The following MRE11 variants were observed in gnomAD, a reference collection of about 807,000 sequenced individuals.
MRE11 encodes MRE11 double strand break repair nuclease, also known as double-strand break repair protein MRE11.
A neutral mutation model predicts 91.7 loss-of-function variants in MRE11; 62 were observed. The ratio of observed to expected loss-of-function variants is 0.68; its 90% confidence interval spans 0.55 to 0.84. The LOEUF (loss-of-function observed/expected upper bound fraction) is 0.84, where lower values mean the gene tolerates loss of function less well. Ranked by LOEUF, MRE11 falls within the 40% of genes least tolerant of loss-of-function variation. MRE11 has a pLI of 0.00. For synonymous variants in MRE11, 273 were observed against 271.4 expected (o/e 1.01, Z -0.06); for missense variants, 796 against 852.9 (o/e 0.93, Z 0.83).
chr11:94,451,897 A>G (rs1382772646), intron 14 of MRE11, among the ~76,000 whole-genome samples: 1 of 152,140 alleles, frequency 6.6e-6, no homozygotes, highest in Non-Finnish European at 1.5e-5. Context: ...GTGCTCTTAC[A>G]AATCAATTAG....
intron 4 of MRE11, among the ~76,000 whole-genome samples, chr11:94,482,841 G>C (rs907262757): frequency 6.6e-6 from 1 of 152,162 alleles, no homozygotes; most frequent in African/African-American, 2.4e-5. Flanking sequence ...AGGAGGCTGA[G>C]GCAGAAGAAC....
Position 94,485,497 on chromosome 11 carries a change from T to C in MRE11, c.314+427A>G, listed in dbSNP as rs574332782. ...ATATAAGTAACTTCTGCAATTCAGG[T>C]AGAAAAACAAACAAAAAAATCTCAA... On this transcript the variant is annotated intron_variant, in intron 4 of 19. Transcript: ENST00000323929. Among the ~76,000 whole-genome samples the C allele has an allele frequency of 1.4e-4, 19 of 139,664 alleles. No homozygotes were observed. The South Asian group carries it at 4.3e-3, about 32-fold the overall frequency. The allele number at this position is 139,664 out of a possible 152,430, so 91.6% of individuals were successfully genotyped here.
At chr11:94,471,796 T>C (rs759159973) in intron 7 of MRE11, 37 bp from the exon 8 acceptor site, 2 of 1,518,776 alleles carry the variant, frequency 1.3e-6, no homozygotes, top group South Asian at 2.3e-5. Context: ...ATTCGGTGAT[T>C]AGAAAAATTT....
intron 18 of MRE11, among the ~76,000 whole-genome samples, chr11:94,430,236 A>G (rs1489488591): frequency 6.6e-6 from 1 of 152,170 alleles, no homozygotes; most frequent in Non-Finnish European, 1.5e-5. Flanking sequence ...CTGTGCTTCA[A>G]TTTCCTCATC....
chr11:94,447,162 G>A lies in MRE11; in HGVS notation c.1783+57C>T, dbSNP rs531769576. 199 of 1,498,862 alleles carry A rather than the reference G, an allele frequency of 1.3e-4. No homozygotes were observed. The African/African-American group carries it at 2.5e-3, about 19-fold the overall frequency. The allele number at this position is 1,498,862 out of a possible 1,614,324, so 92.8% of individuals were successfully genotyped here. A position where few individuals can be genotyped will look rare whatever the true frequency, so the allele number is the denominator to read the frequency against. On this transcript the variant is annotated intron_variant, in intron 15 of 19. Transcript: ENST00000323929. ...TTCAACTCTGACAAGATCTAATTCT[G>A]TATTTTCCACTCAACTGCCAAGTGT... is the stretch of plus-strand genomic sequence containing the variant.
intron 19 of MRE11, among the ~76,000 whole-genome samples, chr11:94,424,852 T>G (rs1167702867): frequency 2.0e-5 from 3 of 151,930 alleles, no homozygotes; most frequent in South Asian, 2.1e-4. Context: ...TATGAGATTA[T>G]GTAAAGAGGC....
At chr11:94,425,614 A>C (rs1028691592) in intron 19 of MRE11, among the ~76,000 whole-genome samples, 1 of 152,216 alleles carries the variant, frequency 6.6e-6, no homozygotes, top group Non-Finnish European at 1.5e-5. Flanking sequence ...TTCACATGTA[A>C]TGACACACAC....
At chr11:94,452,637 G>T (rs1406726326) in intron 14 of MRE11, among the ~76,000 whole-genome samples, 1 of 151,924 alleles carries the variant, frequency 6.6e-6, no homozygotes, top group Non-Finnish European at 1.5e-5. Context: ...ATCTCAAATT[G>T]TATATTCAAA....
intron 5 of MRE11, among the ~76,000 whole-genome samples, chr11:94,479,137 A>T (rs1253469536): frequency 6.6e-6 from 1 of 152,244 alleles, no homozygotes; most frequent in East Asian, 1.9e-4. Flanking sequence ...CCACAAAAAA[A>T]TAAAAATTAG....
At position 94,420,259 on chromosome 11, in the gene MRE11, A is replaced by T; in HGVS notation, c.2071-78T>A. On this transcript the variant is annotated intron_variant, in intron 19 of 19. Transcript: ENST00000323929. Reference sequence around the variant, plus strand: ...CAAGACAGAAGTTCTTATGGGCAAAACAATACCAGTGAGAGTCATTTCACA... The same window carrying T: ...CAAGACAGAAGTTCTTATGGGCAAATCAATACCAGTGAGAGTCATTTCACA... 3 of 1,138,956 alleles carry T rather than the reference A, an allele frequency of 2.6e-6. No individual in the cohort carries two copies. In the South Asian group the frequency reaches 3.7e-5, roughly 14 times the overall value. The allele number at this position is 1,138,956 out of a possible 1,614,324, so 70.6% of individuals were successfully genotyped here.
At chr11:94,454,424 T>C (rs1316237201) in intron 14 of MRE11, among the ~76,000 whole-genome samples, 1 of 152,136 alleles carries the variant, frequency 6.6e-6, no homozygotes, top group Admixed American at 6.6e-5. Context: ...GCTAATAGTC[T>C]TGTTTGTCAG....
chr11:94,417,970 G>A lies in MRE11; in HGVS notation c.*2155C>T, dbSNP rs1378125087. On this transcript the variant is annotated 3_prime_UTR_variant, in exon 20 of 20. Transcript: ENST00000323929. ...ACTTATTCTTTGGTAAGTAACAGAAGAATTCCCTACAGATGTCTTCCTCTG... is the reference window on the plus strand; with the variant it reads ...ACTTATTCTTTGGTAAGTAACAGAAAAATTCCCTACAGATGTCTTCCTCTG... The A allele has an allele frequency of 4.3e-6, 1 of 232,900 alleles. No individual in the cohort carries two copies. Among genetic ancestry groups the A allele is most frequent in the African/African-American group, 2.2e-5 (1 of 45,322 alleles). 14.4% of individuals were successfully genotyped at this position (232,900 alleles called of 1,614,324 possible). A position where few individuals can be genotyped will look rare whatever the true frequency, so the allele number is the denominator to read the frequency against.
chr11:94,484,458 T>C (rs1230036378), intron 4 of MRE11, among the ~76,000 whole-genome samples: 1 of 152,224 alleles, frequency 6.6e-6, no homozygotes, highest in East Asian at 1.9e-4. Flanking sequence ...AAAATATTTA[T>C]TAATTACTTT....
intron 14 of MRE11, among the ~76,000 whole-genome samples, chr11:94,455,963 T>C (rs1204941128): frequency 1.3e-5 from 2 of 152,120 alleles, no homozygotes; most frequent in African/African-American, 4.8e-5. Flanking sequence ...GGTGCAGCCA[T>C]AGTTCACTGC....
chr11:94,453,096 CTGTT>C (rs1207908744), intron 14 of MRE11, among the ~76,000 whole-genome samples: 1 of 152,016 alleles, frequency 6.6e-6, no homozygotes, highest in African/African-American at 2.4e-5. Flanking sequence ...CCTTTTGCAA[CTGTT>C]TTTTTTTCAC....
rs13447683 is a variant in MRE11 at position 94,456,791 on chromosome 11, A to T, written c.1501-453T>A. On this transcript the variant is annotated intron_variant, in intron 13 of 19. Coordinates refer to ENST00000323929, the MANE Select transcript of MRE11 (RefSeq NM_005591.4). ...GGGTGGCCCCTGAAGATCCATTTTT[A>T]TTAAGAGTCAACTCATGAAGGTTTG... Among the ~76,000 whole-genome samples the T allele has an allele frequency of 8.9e-3, 1,356 of 152,290 alleles. 22 individuals carry two copies. Among genetic ancestry groups the T allele is most frequent in the African/African-American group, 0.031 (1,300 of 41,562 alleles).
chr11:94,478,831 C>T lies in MRE11; in HGVS notation c.448G>A (p.Val150Ile). The T allele has an allele frequency of 6.2e-7, 1 of 1,613,822 alleles. No individual in the cohort carries two copies. Among genetic ancestry groups the T allele is most frequent in the Non-Finnish European group, 8.5e-7 (1 of 1,179,892 alleles). Residue 150 changes from valine to isoleucine, a missense_variant, in exon 6 of 20, where the codon GTA (valine) becomes ATA (isoleucine). Transcript: ENST00000323929. ...GACATTGAACGTCCAAAGTGATTTA[C>T]AAATCCAGCACAACTTAAAATGTCC... ...ALDILSCAGF[V>I]NHFGRSMSVE...
intron 10 of MRE11, among the ~76,000 whole-genome samples, chr11:94,465,580 G>A (rs184442775): frequency 1.3e-5 from 2 of 151,870 alleles, no homozygotes; most frequent in Admixed American, 6.6e-5. Flanking sequence ...ATTTTTAGTA[G>A]AGACAGGGTT....
the MRE11 span, among the ~76,000 whole-genome samples, chr11:94,511,082 A>G: frequency 6.6e-6 from 1 of 152,234 alleles, no homozygotes; most frequent in Admixed American, 6.5e-5. Flanking sequence ...ATTCAAACTC[A>G]TGTTAAGAAA....
Sources: allele counts gnomAD v4.1 joint callset (sites outside exome capture counted in the v4.1 genomes callset), GRCh38; gene constraint gnomAD v4.1.1; transcripts MANE v1.5; gene names NCBI Gene and HGNC (gene_info 2026-07-23, HGNC 2026-07-21).